Variants in KIDINS220 observed in about 807,000 individuals in gnomAD.
KIDINS220 encodes the protein kinase D-interacting substrate of 220 kDa.
A neutral mutation model predicts 157.6 loss-of-function variants in KIDINS220; 63 were observed. The observed-to-expected ratio is 0.40, with a 90% CI of 0.33 to 0.49. KIDINS220 has a LOEUF of 0.49. Ranked by LOEUF, KIDINS220 falls within the 20% of genes least tolerant of loss-of-function variation. KIDINS220 has a pLI of 0.66. For missense variants in KIDINS220, 1,772 were observed against 2,171.2 expected, an observed-to-expected ratio of 0.82 and a Z score of 3.65; for synonymous variants, 732 against 783.6, an observed-to-expected ratio of 0.93 and a Z score of 1.10.
At chr2:8,820,661 C>T (rs879405514) in intron 2 of KIDINS220, among the ~76,000 whole-genome samples, 2 of 152,074 alleles carry the variant, frequency 1.3e-5, no homozygotes, top group Non-Finnish European at 2.9e-5. Context: ...TGACGTATTA[C>T]ACATAAATAG....
At chr2:8,735,326 G>A (rs979977570) in intron 27 of KIDINS220, among the ~76,000 whole-genome samples, 2 of 152,182 alleles carry the variant, frequency 1.3e-5, no homozygotes, top group African/African-American at 4.8e-5. Context: ...AAAGTCAGGA[G>A]TTCGAGACCA....
intron 11 of KIDINS220, among the ~76,000 whole-genome samples, chr2:8,794,525 C>T (rs1306030750): frequency 2.0e-5 from 3 of 152,206 alleles, no homozygotes; most frequent in Non-Finnish European, 4.4e-5. Flanking sequence ...ACATTCTCCA[C>T]CTGAGTCCTC....
At chr2:8,746,275 G>A (rs989060958) in intron 26 of KIDINS220, among the ~76,000 whole-genome samples, 2 of 151,274 alleles carry the variant, frequency 1.3e-5, no homozygotes, top group African/African-American at 2.4e-5. Context: ...GCTAATTCTC[G>A]TATTTTCTTT....
intron 25 of KIDINS220, 92 bp downstream of exon 25, chr2:8,747,795 C>G (rs1328961465): frequency 6.3e-6 from 4 of 638,540 alleles, no homozygotes; most frequent in East Asian, 6.5e-5. Flanking sequence ...ATCAGTTGCA[C>G]TCTTTTACTA....
chr2:8,784,168 T>C (rs1037996223), intron 17 of KIDINS220, among the ~76,000 whole-genome samples: 20 of 149,228 alleles, frequency 1.3e-4, no homozygotes, highest in African/African-American at 2.7e-4. Context: ...TTTTAACAAA[T>C]GGTGCTGGAA....
intron 1 of KIDINS220, among the ~76,000 whole-genome samples, chr2:8,834,442 A>G (rs972120149): frequency 5.3e-5 from 8 of 151,374 alleles, no homozygotes; most frequent in Non-Finnish European, 1.2e-4. Context: ...AATGGTGTAT[A>G]CCATTTATAC....
intron 20 of KIDINS220, 120 bp downstream of exon 20, chr2:8,778,519 A>C (rs1671272375): frequency 3.9e-6 from 3 of 768,340 alleles, no homozygotes; most frequent in Non-Finnish European, 6.9e-6. Context: ...ATTCAATGAT[A>C]ATGTTTATTT....
chr2:8,734,267 T>C (rs571090494), intron 28 of KIDINS220, among the ~76,000 whole-genome samples: 1 of 152,110 alleles, frequency 6.6e-6, no homozygotes, highest in Non-Finnish European at 1.5e-5. Flanking sequence ...TGATCACACA[T>C]GTAAACTGAC....
At chr2:8,771,896 A>G (rs1185738666) in intron 21 of KIDINS220, among the ~76,000 whole-genome samples, 2 of 152,172 alleles carry the variant, frequency 1.3e-5, no homozygotes, top group African/African-American at 4.8e-5. Context: ...GTGCTGTGTG[A>G]AAAGAGAAAA....
chr2:8,831,247 G>A (rs1679570042), intron 1 of KIDINS220, among the ~76,000 whole-genome samples: 1 of 152,182 alleles, frequency 6.6e-6, no homozygotes, highest in South Asian at 2.1e-4. Flanking sequence ...TTATGATGAG[G>A]GCATGCAGAT....
intron 20 of KIDINS220, among the ~76,000 whole-genome samples, 167 bp downstream of exon 20, chr2:8,778,472 T>A (rs1174861255): frequency 1.3e-5 from 2 of 152,226 alleles, no homozygotes; most frequent in Non-Finnish European, 2.9e-5. Context: ...GGGTTCTAGG[T>A]GCAGACATTC....
chr2:8,735,577 C>T (rs990045400), intron 27 of KIDINS220, among the ~76,000 whole-genome samples: 1 of 152,102 alleles, frequency 6.6e-6, no homozygotes, highest in Admixed American at 6.6e-5. Context: ...ACTTTTGGTT[C>T]CCTGTAATTC....
intron 21 of KIDINS220, among the ~76,000 whole-genome samples, chr2:8,776,121 G>C (rs1359868934): frequency 6.6e-6 from 1 of 152,070 alleles, no homozygotes; most frequent in East Asian, 1.9e-4. Flanking sequence ...AACCTCACTT[G>C]GAATACAGTT....
chr2:8,830,700 T>C (rs1679496240), intron 1 of KIDINS220, among the ~76,000 whole-genome samples: 1 of 152,154 alleles, frequency 6.6e-6, no homozygotes, highest in South Asian at 2.1e-4. Flanking sequence ...ATTACAGGTG[T>C]GAGCCACCGC....
intron 6 of KIDINS220, among the ~76,000 whole-genome samples, chr2:8,811,126 T>TA (rs1206420736): frequency 6.6e-6 from 1 of 152,206 alleles, no homozygotes; most frequent in African/African-American, 2.4e-5. Context: ...CTGTTGTACT[T>TA]AAAGAAATTT....
chr2:8,826,916 T>C lies in KIDINS220; in HGVS notation c.108+70A>G, dbSNP rs1282339919. On this transcript the variant is annotated intron_variant, in intron 2 of 29. Transcript: ENST00000256707. ...TAGAACTACCTATTTCTTACACACT[T>C]CTATCCTATACATAGCAGGCAGTCA... The C allele has an allele frequency of 3.7e-6, 3 of 812,016 alleles. No homozygotes were observed. In the African/African-American group the frequency reaches 5.0e-5, roughly 14 times the overall value. 50.3% of individuals were successfully genotyped at this position (812,016 alleles called of 1,614,324 possible).
chr2:8,826,952 G>C (rs1558501950), intron 2 of KIDINS220, 34 bp downstream of exon 2: 1 of 1,208,180 alleles, frequency 8.3e-7, no homozygotes, highest in Non-Finnish European at 1.2e-6. Flanking sequence ...ACAAATATTT[G>C]TGAAAGAATG....
chr2:8,739,228 C>T (rs1665297678), intron 26 of KIDINS220, among the ~76,000 whole-genome samples: 1 of 152,112 alleles, frequency 6.6e-6, no homozygotes, highest in Non-Finnish European at 1.5e-5. Flanking sequence ...ATATTTTATC[C>T]TTCATTGGGG....
At chr2:8,818,287 AC>A (rs1351515957) in intron 3 of KIDINS220, among the ~76,000 whole-genome samples, 1 of 152,198 alleles carries the variant, frequency 6.6e-6, no homozygotes, top group Non-Finnish European at 1.5e-5. Flanking sequence ...AGGAAATGTA[AC>A]CGTGTGGAAT....
Sources: allele counts gnomAD v4.1 joint callset (sites outside exome capture counted in the v4.1 genomes callset), GRCh38; gene constraint gnomAD v4.1.1; transcripts MANE v1.5; gene names NCBI Gene and HGNC (gene_info 2026-07-23, HGNC 2026-07-21).